The following RFX3 variants were observed in gnomAD, a reference collection of about 807,000 sequenced individuals.
RFX3 encodes the protein transcription factor RFX3.
Under a neutral mutation model 98.6 loss-of-function variants are expected in RFX3, and 14 were observed. The ratio of observed to expected loss-of-function variants is 0.14; its 90% CI spans 0.09 to 0.22. The LOEUF is 0.22. Among genes scored for constraint, RFX3 ranks in the 10% least tolerant of loss-of-function variants. The probability of loss-of-function intolerance (pLI) is 1.00; values close to 1 mark genes in which losing one functional copy is unlikely to be tolerated. For synonymous variants in RFX3, 383 were observed against 328.4 expected (o/e 1.17, Z -1.80); for missense variants, 639 against 926.9 (o/e 0.69, Z 4.03).
rs542992418 is a variant in RFX3, at chr9:3,483,584, T to C, written c.-9+42163A>G. 9.5e-4 allele frequency among the ~76,000 whole-genome samples: 145 copies of C among 152,276 alleles called. 1 individual carries two copies. The South Asian group carries it at 0.028, about 30-fold the overall frequency. On this transcript the variant is annotated intron_variant, in intron 1 of 16. Coordinates refer to ENST00000617270, the MANE Select transcript of RFX3 (RefSeq NM_001282116.2). ...GGCTCTGTTATACTTAGGGGAACTC[T>C]ATAATCAGACACATTGATACCTAAG... is the stretch of plus-strand genomic sequence containing the variant.
At chr9:3,263,137 C>A (rs778259084) in intron 12 of RFX3, 53 bp from the exon 13 acceptor site, 1 of 1,573,766 alleles carries the variant, frequency 6.4e-7, no homozygotes, top group Non-Finnish European at 8.7e-7. Flanking sequence ...TAAAAGAAAC[C>A]ACTGCAATTT....
chr9:3,299,047 T>C (rs1011051299), intron 5 of RFX3, among the ~76,000 whole-genome samples: 2 of 151,790 alleles, frequency 1.3e-5, no homozygotes, highest in South Asian at 2.1e-4. Context: ...GCGGAATTCA[T>C]GTTCACCTTA....
At chr9:3,260,830 A>G (rs892588444) in intron 13 of RFX3, among the ~76,000 whole-genome samples, 1 of 150,404 alleles carries the variant, frequency 6.6e-6, no homozygotes, top group Non-Finnish European at 1.5e-5. Flanking sequence ...TATTTTTTAA[A>G]ACTTCATATA....
intron 15 of RFX3, among the ~76,000 whole-genome samples, chr9:3,234,682 C>A (rs188781347): frequency 1.3e-5 from 2 of 151,974 alleles, no homozygotes; most frequent in East Asian, 1.9e-4. Context: ...AAGCACCCCA[C>A]CCCAAAATCA....
In RFX3 at chr9:3,223,441, G is replaced by T. The variant is rs16915985; in HGVS notation, c.*1601C>A. On this transcript the variant is annotated 3_prime_UTR_variant, in exon 17 of 17. Transcript: ENST00000617270. ...CATTTAGACTGAAAAGATGCACTTC[G>T]ATAAGTACCTGCTTACTTTGTTAAC... The T allele has an allele frequency of 1.3e-5, 2 of 152,054 alleles. No homozygotes were observed. Among genetic ancestry groups the T allele is most frequent in the South Asian group, 2.1e-4 (1 of 4,824 alleles). The allele number at this position is 152,054 out of a possible 1,614,324, so 9.4% of individuals were successfully genotyped here. A position where few individuals can be genotyped will look rare whatever the true frequency, so the allele number is the denominator to read the frequency against.
At chr9:3,356,774 A>T (rs1835820784) in intron 2 of RFX3, among the ~76,000 whole-genome samples, 1 of 151,970 alleles carries the variant, frequency 6.6e-6, no homozygotes. Flanking sequence ...ACAGGACAAT[A>T]AATCATAATC....
chr9:3,368,712 G>T (rs895911040), intron 2 of RFX3, among the ~76,000 whole-genome samples: 1 of 152,166 alleles, frequency 6.6e-6, no homozygotes, highest in African/African-American at 2.4e-5. Context: ...CACTGGGAAT[G>T]CCTAGCCACC....
intron 2 of RFX3, among the ~76,000 whole-genome samples, chr9:3,388,139 G>C (rs887679353): frequency 6.6e-6 from 1 of 152,060 alleles, no homozygotes; most frequent in African/African-American, 2.4e-5. Flanking sequence ...ATACTACTCA[G>C]AATATGGCAA....
At chr9:3,490,462 T>A (rs1191326869) in intron 1 of RFX3, 1 of 169,346 alleles carries the variant, frequency 5.9e-6, no homozygotes. Context: ...ATTATATTAA[T>A]TACATAACTG....
intron 1 of RFX3, among the ~76,000 whole-genome samples, chr9:3,406,953 C>T (rs1294552902): frequency 6.6e-6 from 1 of 152,146 alleles, no homozygotes. Flanking sequence ...TTGCTCTGAA[C>T]CTTCTGACAT....
intron 1 of RFX3, among the ~76,000 whole-genome samples, chr9:3,461,852 A>C (rs1041852202): frequency 3.9e-5 from 6 of 152,000 alleles, no homozygotes; most frequent in African/African-American, 1.4e-4. Flanking sequence ...TAAATAAGCT[A>C]TTTTATTTTC....
intron 4 of RFX3, among the ~76,000 whole-genome samples, chr9:3,318,386 C>G (rs994158339): frequency 1.3e-5 from 2 of 151,724 alleles, no homozygotes; most frequent in Non-Finnish European, 2.9e-5. Context: ...GTGGAGGGAG[C>G]GGGGAGGGAT....
intron 1 of RFX3, among the ~76,000 whole-genome samples, chr9:3,484,101 T>C (rs531916292): frequency 6.6e-6 from 1 of 152,362 alleles, no homozygotes; most frequent in South Asian, 2.1e-4. Flanking sequence ...ATGTAGGATA[T>C]ATAAAGACCT....
At chr9:3,467,502 T>A (rs567980689) in intron 1 of RFX3, among the ~76,000 whole-genome samples, 2 of 151,920 alleles carry the variant, frequency 1.3e-5, no homozygotes, top group Non-Finnish European at 2.9e-5. Context: ...CCCTCTTACA[T>A]GAAAATTATT....
At chr9:3,345,209 A>C (rs771380514) in intron 3 of RFX3, among the ~76,000 whole-genome samples, 5 of 152,160 alleles carry the variant, frequency 3.3e-5, no homozygotes, top group Non-Finnish European at 7.3e-5. Context: ...TATAAAGATC[A>C]CACTAGACTG....
At chr9:3,320,498 G>A (rs1831137529) in intron 4 of RFX3, among the ~76,000 whole-genome samples, 1 of 151,040 alleles carries the variant, frequency 6.6e-6, no homozygotes, top group Admixed American at 6.6e-5. Context: ...GTTGCAGTGA[G>A]CCGAGATCAA....
chr9:3,371,717 A>C (rs1218452318), intron 2 of RFX3, among the ~76,000 whole-genome samples: 3 of 152,210 alleles, frequency 2.0e-5, no homozygotes, highest in Non-Finnish European at 4.4e-5. Flanking sequence ...AAATGGCATA[A>C]CAAAGAAAAC....
At chr9:3,292,162 T>C (rs1827475143) in intron 6 of RFX3, among the ~76,000 whole-genome samples, 2 of 150,964 alleles carry the variant, frequency 1.3e-5, no homozygotes, top group South Asian at 4.2e-4. Flanking sequence ...TCACCTAATG[T>C]TGTATAGTAC....
At chr9:3,414,113 A>G (rs1302410896) in intron 1 of RFX3, among the ~76,000 whole-genome samples, 1 of 152,140 alleles carries the variant, frequency 6.6e-6, no homozygotes, top group Non-Finnish European at 1.5e-5. Flanking sequence ...CTTTATTGAA[A>G]TGGGACACTG....
Sources: gnomAD v4.1 joint callset for allele counts (sites outside exome capture counted in the v4.1 genomes callset) on GRCh38, gnomAD v4.1.1 for gene constraint, MANE v1.5 for transcripts, NCBI Gene and HGNC (gene_info 2026-07-23, HGNC 2026-07-21) for gene names.